The following OTOGL variants were observed in gnomAD, a reference collection of about 807,000 sequenced individuals.
OTOGL encodes otogelin-like protein.
OTOGL carries 285 observed loss-of-function variants against 318.5 expected under a neutral mutation model. The observed-to-expected ratio is 0.89, with a 90% CI of 0.81 to 0.99. The LOEUF (loss-of-function observed/expected upper bound fraction) is 0.99, where lower values mean the gene tolerates loss of function less well. OTOGL is among the 50% of genes least tolerant of loss of function. The pLI, the probability that OTOGL is intolerant of heterozygous loss-of-function variation, is 0.00. For synonymous variants in OTOGL, 987 were observed against 936.5 expected (o/e 1.05, Z -0.99); for missense variants, 2,899 against 2,845.6 (o/e 1.02, Z -0.43).
Position 80,378,085 on chromosome 12 carries a change from C to G in OTOGL, c.*37C>G. On this transcript the variant is annotated 3_prime_UTR_variant, in exon 59 of 59. Transcript: ENST00000547103. ...CCAAGAGCTCTATACAACATCATAA[C>G]GTCAGATAGAATTAACTTTTATTGC... is the stretch of plus-strand genomic sequence containing the variant. 7.0e-7 allele frequency: 1 copy of G among 1,423,740 alleles called. No individual in the cohort carries two copies. Among genetic ancestry groups the G allele is most frequent in the Non-Finnish European group, 9.6e-7 (1 of 1,041,506 alleles). The allele number at this position is 1,423,740 out of a possible 1,614,324, so 88.2% of individuals were successfully genotyped here.
chr12:80,221,477 C>G (rs1004571240), intron 6 of OTOGL, among the ~76,000 whole-genome samples: 2 of 152,008 alleles, frequency 1.3e-5, no homozygotes, highest in African/African-American at 2.4e-5. Context: ...CCATGTTACC[C>G]AGGCTGGTCT....
intron 1 of OTOGL, among the ~76,000 whole-genome samples, chr12:80,124,264 A>G (rs944904160): frequency 3.3e-5 from 5 of 152,216 alleles, no homozygotes; most frequent in African/African-American, 7.2e-5. Context: ...ATGTCTAGCC[A>G]GTTTTCCCAG....
chr12:80,252,769 T>C (rs1408166907), intron 13 of OTOGL, among the ~76,000 whole-genome samples: 1 of 152,202 alleles, frequency 6.6e-6, no homozygotes, highest in Non-Finnish European at 1.5e-5. Context: ...TGAGGATTAC[T>C]TGGAACCAGA....
At chr12:80,138,488 G>T (rs1046439168) in intron 1 of OTOGL, among the ~76,000 whole-genome samples, 3 of 152,068 alleles carry the variant, frequency 2.0e-5, no homozygotes, top group Non-Finnish European at 4.4e-5. Context: ...ATGATGATGA[G>T]AACATGTGTT....
At chr12:80,290,217 GCACC>G (rs1421893364) in intron 26 of OTOGL, among the ~76,000 whole-genome samples, 1 of 151,948 alleles carries the variant, frequency 6.6e-6, no homozygotes, top group Non-Finnish European at 1.5e-5. Flanking sequence ...TCCTTGGGCT[GCACC>G]CACTCTCTAA....
chr12:80,343,509 G>GTTTTT (rs58046272), intron 44 of OTOGL: 4 of 35,852 alleles, frequency 1.1e-4, no homozygotes, highest in Admixed American at 3.7e-4. Context: ...TTTTATTCTT[G>GTTTTT]TTTTTTTTTT....
intron 5 of OTOGL, 123 bp from the exon 6 acceptor site, chr12:80,219,691 G>A (rs1878102634): frequency 1.4e-6 from 1 of 693,148 alleles, no homozygotes. Context: ...AGCAAGGCAA[G>A]AGGCTGAGAG....
At position 80,212,893 on chromosome 12, in the gene OTOGL, A is replaced by G. The variant is rs191874751; in HGVS notation, c.168+896A>G. 6.0e-3 allele frequency among the ~76,000 whole-genome samples: 875 copies of G among 146,896 alleles called. 9 individuals are homozygous for G. Among genetic ancestry groups the G allele is most frequent in the Non-Finnish European group, 7.3e-3 (482 of 65,806 alleles). On this transcript the variant is annotated intron_variant, in intron 4 of 58. Coordinates refer to ENST00000547103, the MANE Select transcript of OTOGL (RefSeq NM_001378609.3). ...TAGAAGACAGAACTGATTTATTCTT[A>G]TCAAGAGTAGAGACCTTTTTTTTGT...
chr12:80,178,776 C>T (rs1874716494), intron 1 of OTOGL, among the ~76,000 whole-genome samples: 1 of 152,166 alleles, frequency 6.6e-6, no homozygotes, highest in Admixed American at 6.5e-5. Context: ...ACCCTAACTA[C>T]CAGAGCCAGA....
intron 46 of OTOGL, among the ~76,000 whole-genome samples, 185 bp from the exon 47 acceptor site, chr12:80,355,551 G>GTATAAA (rs1420271740): frequency 2.0e-4 from 30 of 151,970 alleles, no homozygotes; most frequent in Non-Finnish European, 7.4e-5. Context: ...TGTGGACTAA[G>GTATAAA]TATAAACTTT....
At chr12:80,279,680 C>T (rs1884073926) in intron 26 of OTOGL, among the ~76,000 whole-genome samples, 2 of 151,684 alleles carry the variant, frequency 1.3e-5, no homozygotes, top group African/African-American at 4.8e-5. Flanking sequence ...TTTCTTTATC[C>T]TTTCCACTGT....
chr12:80,177,485 A>G (rs1874606338), intron 1 of OTOGL, among the ~76,000 whole-genome samples: 2 of 152,190 alleles, frequency 1.3e-5, no homozygotes, highest in African/African-American at 4.8e-5. Context: ...CTGCCTTAAC[A>G]CAAATACCAT....
chr12:80,147,748 G>A (rs1016735476), intron 1 of OTOGL, among the ~76,000 whole-genome samples: 1 of 152,096 alleles, frequency 6.6e-6, no homozygotes, highest in South Asian at 2.1e-4. Flanking sequence ...CCTGTATTGG[G>A]TGCATATATA....
intron 44 of OTOGL, among the ~76,000 whole-genome samples, chr12:80,347,689 A>G (rs2137977396): frequency 6.6e-6 from 1 of 152,132 alleles, no homozygotes; most frequent in Admixed American, 6.5e-5. Flanking sequence ...ATCCTTGAGG[A>G]ATTGCCACAC....
chr12:80,168,107 G>A (rs1017311906), intron 1 of OTOGL, among the ~76,000 whole-genome samples: 4 of 151,764 alleles, frequency 2.6e-5, no homozygotes, highest in Admixed American at 2.0e-4. Context: ...CCAGGCGCAC[G>A]CCACCACACC....
intron 23 of OTOGL, among the ~76,000 whole-genome samples, chr12:80,271,022 A>G (rs968377642): frequency 6.6e-6 from 1 of 152,182 alleles, no homozygotes; most frequent in African/African-American, 2.4e-5. Context: ...ACAAGGATTC[A>G]GACAAGCCTA....
intron 1 of OTOGL, among the ~76,000 whole-genome samples, chr12:80,184,932 C>G (rs1006534927): frequency 6.6e-6 from 1 of 152,120 alleles, no homozygotes; most frequent in Non-Finnish European, 1.5e-5. Context: ...TCCCATATGA[C>G]AAGTATTGGA....
At chr12:80,270,058 A>AC (rs750789314) in intron 22 of OTOGL, 44 bp from the exon 23 acceptor site, 24 of 1,354,644 alleles carry the variant, frequency 1.8e-5, no homozygotes, top group Admixed American at 2.2e-5. Flanking sequence ...AAAAAAAAAA[A>AC]CAACAGATTT....
intron 1 of OTOGL, among the ~76,000 whole-genome samples, chr12:80,140,771 C>T (rs1234275492): frequency 6.6e-6 from 1 of 152,152 alleles, no homozygotes; most frequent in Non-Finnish European, 1.5e-5. Context: ...AGTATCATTA[C>T]TATTTATGTA....
Sources: allele counts gnomAD v4.1 joint callset (sites outside exome capture counted in the v4.1 genomes callset), GRCh38; gene constraint gnomAD v4.1.1; transcripts MANE v1.5; gene names NCBI Gene and HGNC (gene_info 2026-07-23, HGNC 2026-07-21).